The following TSPAN12 variants were observed in gnomAD, a reference collection of about 807,000 sequenced individuals.
TSPAN12 encodes tetraspanin-12.
TSPAN12 carries 19 observed loss-of-function variants against 39.2 expected under a neutral mutation model. The ratio of observed to expected loss-of-function variants is 0.49; its 90% CI spans 0.34 to 0.71. The LOEUF (loss-of-function observed/expected upper bound fraction) is 0.71. Ranked by LOEUF, TSPAN12 falls within the 30% of genes least tolerant of loss-of-function variation. The pLI, the probability that TSPAN12 is intolerant of heterozygous loss-of-function variation, is 0.01. For missense variants in TSPAN12, 314 were observed against 359.9 expected, an observed-to-expected ratio of 0.87 and a Z score of 1.03; for synonymous variants, 119 against 124.8, an observed-to-expected ratio of 0.95 and a Z score of 0.31.
chr7:120,832,516 C>A (rs1794407316), intron 4 of TSPAN12, among the ~76,000 whole-genome samples: 1 of 152,084 alleles, frequency 6.6e-6, no homozygotes, highest in African/African-American at 2.4e-5. Flanking sequence ...TCTCCACCGG[C>A]AAACCCTTAT....
intron 2 of TSPAN12, among the ~76,000 whole-genome samples, chr7:120,847,811 A>T (rs756941499): frequency 2.0e-5 from 3 of 152,146 alleles, no homozygotes; most frequent in Non-Finnish European, 2.9e-5. Flanking sequence ...TAGAACATAG[A>T]TCAAGTTCTT....
At chr7:120,849,769 T>A (rs1794736758) in intron 2 of TSPAN12, among the ~76,000 whole-genome samples, 1 of 152,220 alleles carries the variant, frequency 6.6e-6, no homozygotes, top group African/African-American at 2.4e-5. Context: ...TGGTGTTTTT[T>A]TCTGTCTCCT....
rs900996213 is a variant in TSPAN12, at chr7:120,797,118, C to A, written c.613-8221G>T. Among the ~76,000 whole-genome samples, 3 of 152,188 alleles carry A rather than the reference C, an allele frequency of 2.0e-5. 1 individual carries two copies. Among genetic ancestry groups the A allele is most frequent in the African/African-American group, 7.2e-5 (3 of 41,446 alleles). Reference sequence around the variant, plus strand: ...CTTGCAGTGAGCCGAGATGGCGCCCCTGCACTCCAGCCTGGGCGACAGAGC... The same window carrying A: ...CTTGCAGTGAGCCGAGATGGCGCCCATGCACTCCAGCCTGGGCGACAGAGC... On this transcript the variant is annotated intron_variant, in intron 7 of 7. Transcript: ENST00000222747.
In TSPAN12 at chr7:120,792,769, C is replaced by T. The variant is rs145529756; in HGVS notation, c.613-3872G>A. ...CGAACCGACAAATAAACACAGCAAA[C>T]GCTGGAGAGGTGGAAAAGTCTGATT... On this transcript the variant is annotated intron_variant, in intron 7 of 7. Transcript: ENST00000222747. Among the ~76,000 whole-genome samples, 28 of 152,230 alleles carry T rather than the reference C, an allele frequency of 1.8e-4. No individual in the cohort carries two copies. In the East Asian group the frequency reaches 2.9e-3, roughly 16 times the overall value.
At chr7:120,845,401 A>G (rs1794651694) in intron 2 of TSPAN12, among the ~76,000 whole-genome samples, 2 of 152,220 alleles carry the variant, frequency 1.3e-5, no homozygotes, top group African/African-American at 2.4e-5. Flanking sequence ...TTTCTACCAC[A>G]TGGTCAAGCT....
In TSPAN12 at chr7:120,810,520, A is replaced by G; in HGVS notation, c.411T>C (p.Asn137=). The G allele has an allele frequency of 1.2e-6, 2 of 1,613,786 alleles. No individual in the cohort carries two copies. Among genetic ancestry groups the G allele is most frequent in the Non-Finnish European group, 1.7e-6 (2 of 1,179,890 alleles). Residue 137 remains asparagine (N), a synonymous_variant, in exon 6 of 8, where the codon AAT becomes AAC. Transcript: ENST00000222747. ...DMVTLKARMT[N]YGLPRYRWLT... is the part of the protein sequence containing the mutation. ...GCCACCGATATCTAGGTAATCCATA[A>G]TTTGTCATCCTGGCTTTCAAAGTGA...
chr7:120,847,233 CAA>C (rs76785160), intron 2 of TSPAN12, among the ~76,000 whole-genome samples: 34 of 107,554 alleles, frequency 3.2e-4, no homozygotes, highest in African/African-American at 5.5e-4. Flanking sequence ...AGCTATATGA[CAA>C]AAAAAAAAAA....
intron 2 of TSPAN12, among the ~76,000 whole-genome samples, chr7:120,842,348 C>G (rs965787342): frequency 6.6e-5 from 10 of 151,406 alleles, no homozygotes; most frequent in Admixed American, 1.3e-4. Flanking sequence ...GGGCAAGATT[C>G]AGAGACTGAC....
intron 4 of TSPAN12, among the ~76,000 whole-genome samples, chr7:120,826,664 G>A (rs1213754039): frequency 6.6e-6 from 1 of 152,100 alleles, no homozygotes. Context: ...AACCAAATGT[G>A]TCCAGATACT....
chr7:120,856,583 G>A (rs1794873981), intron 2 of TSPAN12, 115 bp downstream of exon 2: 3 of 1,042,588 alleles, frequency 2.9e-6, no homozygotes, highest in African/African-American at 3.2e-5. Flanking sequence ...AAAATAAAGG[G>A]TGTTATCCCA....
At chr7:120,811,669 C>CAAA (rs1284667493) in intron 5 of TSPAN12, among the ~76,000 whole-genome samples, 1 of 76,460 alleles carries the variant, frequency 1.3e-5, no homozygotes, top group Non-Finnish European at 2.7e-5. Context: ...GACTCGGTCT[C>CAAA]AAAAAAAAAA....
At chr7:120,849,940 A>G (rs1225477457) in intron 2 of TSPAN12, among the ~76,000 whole-genome samples, 1 of 152,142 alleles carries the variant, frequency 6.6e-6, no homozygotes, top group Non-Finnish European at 1.5e-5. Flanking sequence ...GATTATTTGG[A>G]GGCTGGTCAC....
At chr7:120,796,399 A>G (rs144118096) in intron 7 of TSPAN12, among the ~76,000 whole-genome samples, 14 of 152,336 alleles carry the variant, frequency 9.2e-5, no homozygotes, top group African/African-American at 3.4e-4. Context: ...TTAGTCAAAA[A>G]TCTAATCATA....
At chr7:120,839,999 G>T (rs749755762) in intron 3 of TSPAN12, 28 bp downstream of exon 3, 4 of 1,551,534 alleles carry the variant, frequency 2.6e-6, no homozygotes, top group African/African-American at 1.4e-5. Flanking sequence ...CAGCAAGAAA[G>T]AATTCAATCA....
In TSPAN12 at chr7:120,787,685, A is replaced by G. The variant is rs1368298176; in HGVS notation, c.*907T>C. ...AAAAGAGTCTTCATTTGGGAGAAAA[A>G]CAGCATACAAGTCCTTTCTGAATCA... On this transcript the variant is annotated 3_prime_UTR_variant, in exon 8 of 8. Transcript: ENST00000222747. The G allele has an allele frequency of 6.6e-6, 1 of 152,208 alleles. No individual in the cohort carries two copies. The highest frequency in any genetic ancestry group is 1.5e-5 in the Non-Finnish European group (1 of 68,004). The allele number at this position is 152,208 out of a possible 1,614,324, so 9.4% of individuals were successfully genotyped here. A position where few individuals can be genotyped will look rare whatever the true frequency, so the allele number is the denominator to read the frequency against.
chr7:120,796,912 T>A (rs1413207168), intron 7 of TSPAN12, among the ~76,000 whole-genome samples: 2 of 152,114 alleles, frequency 1.3e-5, no homozygotes, highest in Non-Finnish European at 2.9e-5. Context: ...TCCCAGCACT[T>A]TGGGAGGCCG....
chr7:120,850,183 G>A (rs1003489776), intron 2 of TSPAN12, among the ~76,000 whole-genome samples: 1 of 152,182 alleles, frequency 6.6e-6, no homozygotes, highest in African/African-American at 2.4e-5. Context: ...ATTAATTAGA[G>A]CTGAATAAAT....
chr7:120,798,880 G>C (rs1443476402), intron 7 of TSPAN12, among the ~76,000 whole-genome samples: 1 of 152,044 alleles, frequency 6.6e-6, no homozygotes, highest in Non-Finnish European at 1.5e-5. Context: ...TATTCTTTAA[G>C]ATTAGAAGCC....
At chr7:120,854,374 A>G (rs1251054016) in intron 2 of TSPAN12, among the ~76,000 whole-genome samples, 2 of 152,208 alleles carry the variant, frequency 1.3e-5, no homozygotes, top group Non-Finnish European at 2.9e-5. Flanking sequence ...ATCTGCTAGA[A>G]CATCATCATC....
Sources: allele counts gnomAD v4.1 joint callset (sites outside exome capture counted in the v4.1 genomes callset), GRCh38; gene constraint gnomAD v4.1.1; transcripts MANE v1.5; gene names NCBI Gene and HGNC (gene_info 2026-07-23, HGNC 2026-07-21).